Variants in CSDE1 observed in about 807,000 individuals in gnomAD.
CSDE1 encodes the protein cold shock domain-containing protein E1.
A neutral mutation model predicts 89.3 loss-of-function variants in CSDE1; 17 were observed. The observed-to-expected ratio is 0.19, with a 90% confidence interval of 0.13 to 0.29. The LOEUF is 0.29. CSDE1 is among the 10% of genes least tolerant of loss of function. The pLI, the probability that CSDE1 is intolerant of heterozygous loss-of-function variation, is 1.00. For missense variants in CSDE1, 672 were observed against 984.2 expected, an observed-to-expected ratio of 0.68 and a Z score of 4.24; for synonymous variants, 322 against 332.8, an observed-to-expected ratio of 0.97 and a Z score of 0.35.
intron 15 of CSDE1, 28 bp from the exon 16 acceptor site, chr1:114,724,030 C>A: frequency 6.2e-7 from 1 of 1,601,988 alleles, no homozygotes; most frequent in Non-Finnish European, 8.5e-7. Flanking sequence ...GTACATCTTT[C>A]AATTTTATTT....
At chr1:114,734,327 T>A in intron 7 of CSDE1, 115 bp downstream of exon 7, 3 of 1,095,940 alleles carry the variant, frequency 2.7e-6, no homozygotes. Flanking sequence ...AGGTTAACAG[T>A]GAAATATTTT....
intron 2 of CSDE1, among the ~76,000 whole-genome samples, chr1:114,747,631 G>A (rs1320796493): frequency 1.3e-5 from 2 of 152,108 alleles, no homozygotes; most frequent in Non-Finnish European, 2.9e-5. Flanking sequence ...AGGCCGAGGC[G>A]GGTGGATCAC....
At position 114,719,744 on chromosome 1, in the gene CSDE1, T is replaced by TG; in HGVS notation, c.2053-3dup. The TG allele has an allele frequency of 1.3e-6, 2 of 1,595,902 alleles. No individual in the cohort carries two copies. Among genetic ancestry groups the TG allele is most frequent in the Non-Finnish European group, 1.7e-6 (2 of 1,174,968 alleles). On this transcript the variant is annotated splice_region_variant and splice_polypyrimidine_tract_variant and intron_variant, in intron 17 of 19. Coordinates refer to ENST00000358528, the MANE Select transcript of CSDE1 (RefSeq NM_001007553.3). Reference sequence around the variant, plus strand: ...TACTTCATAGTTAATGAAGCCAAACTGAAAAAAAAAAGTAGGTAAAAAAGA... The same window carrying TG: ...TACTTCATAGTTAATGAAGCCAAACTGGAAAAAAAAAAGTAGGTAAAAAAGA...
At chr1:114,727,408 A>T (rs1659853997) in intron 12 of CSDE1, among the ~76,000 whole-genome samples, 1 of 152,184 alleles carries the variant, frequency 6.6e-6, no homozygotes, top group South Asian at 2.1e-4. Flanking sequence ...TGGGCATGTT[A>T]CTTCCAAGGA....
rs574691194 is a variant in CSDE1 at position 114,739,562 on chromosome 1, C to T, written c.199+130G>A. 42 of 706,052 alleles carry T rather than the reference C, an allele frequency of 5.9e-5. No homozygotes were observed. The Admixed American group carries it at 8.4e-4, about 14-fold the overall frequency. 43.7% of individuals were successfully genotyped at this position (706,052 alleles called of 1,614,324 possible). On this transcript the variant is annotated intron_variant, in intron 3 of 19. Coordinates refer to ENST00000358528, the MANE Select transcript of CSDE1 (RefSeq NM_001007553.3). ...TGCTGGTTTATACAGATATTCTTCACTAAACAGTACAACTAAAAGTCCAAA... is the reference window on the plus strand; with the variant it reads ...TGCTGGTTTATACAGATATTCTTCATTAAACAGTACAACTAAAAGTCCAAA...
In CSDE1 at chr1:114,723,948, C is replaced by T; in HGVS notation, c.1808G>A (p.Arg603His). 1 of 1,613,978 alleles carries T rather than the reference C, an allele frequency of 6.2e-7. No homozygotes were observed. Among genetic ancestry groups the T allele is most frequent in the Non-Finnish European group, 8.5e-7 (1 of 1,179,910 alleles). Residue 603 changes from arginine to histidine, a missense_variant, in exon 16 of 20, where the codon CGC becomes CAC. Coordinates refer to ENST00000358528, the MANE Select transcript of CSDE1 (RefSeq NM_001007553.3). The stretch of plus-strand genomic sequence containing the variant: ...TGTTGGATCAACACTCCTCAGGGGG[C>T]GAATTACTTTGCCAGAGTAAATGGT... Reference protein sequence around the residue: ...DPTIYSGKVIRPLRSVDPTQT... With the variant: ...DPTIYSGKVIHPLRSVDPTQT...
chr1:114,751,704 AAAC>A (rs1016635503), intron 1 of CSDE1, among the ~76,000 whole-genome samples: 7 of 151,862 alleles, frequency 4.6e-5, no homozygotes, highest in African/African-American at 1.7e-4. Flanking sequence ...AAAAAAAAAA[AAAC>A]AAAAACAAAC....
chr1:114,740,604 G>A (rs1227986298), intron 2 of CSDE1, among the ~76,000 whole-genome samples: 1 of 152,130 alleles, frequency 6.6e-6, no homozygotes. Flanking sequence ...TTTACATACT[G>A]ATGAAATCTG....
intron 15 of CSDE1, among the ~76,000 whole-genome samples, chr1:114,724,955 A>T (rs1659714585): frequency 6.6e-6 from 1 of 152,242 alleles, no homozygotes; most frequent in Admixed American, 6.5e-5. Flanking sequence ...TAAAATATCT[A>T]GGCCAATCCT....
chr1:114,741,550 T>C, intron 2 of CSDE1: 1 of 1,551,110 alleles, frequency 6.4e-7, no homozygotes, highest in Non-Finnish European at 8.7e-7. Context: ...GTTGGGGTCC[T>C]CTTTTGTTTT....
chr1:114,744,952 T>C (rs1660934938), intron 2 of CSDE1, among the ~76,000 whole-genome samples: 1 of 152,124 alleles, frequency 6.6e-6, no homozygotes, highest in Non-Finnish European at 1.5e-5. Flanking sequence ...TAAATCATTC[T>C]TGAATATCAA....
Position 114,718,647 on chromosome 1 carries a change from A to G in CSDE1, c.2315T>C (p.Val772Ala). 2 of 1,614,200 alleles carry G rather than the reference A, an allele frequency of 1.2e-6. No individual in the cohort carries two copies. Among genetic ancestry groups the G allele is most frequent in the Non-Finnish European group, 1.7e-6 (2 of 1,180,024 alleles). ...LDDASAPRLM[V>A]LRQPRGPDNS... ...ATCTGGTCCCCTTGGCTGACGAAGA[A>G]CCATTAGGCGAGGAGCACTGGCATC... Residue 772 changes from valine to alanine, a missense_variant, in exon 19 of 20, where the codon GTT (valine) becomes GCT (alanine). This residue lies in a region of CSDE1 where 206 missense variants were observed against 332.4 expected (regional missense o/e 0.62). Coordinates refer to ENST00000358528, the MANE Select transcript of CSDE1 (RefSeq NM_001007553.3).
At position 114,737,500 on chromosome 1, in the gene CSDE1, T is replaced by C; in HGVS notation, c.373A>G (p.Thr125Ala). 1 of 1,614,056 alleles carries C rather than the reference T, an allele frequency of 6.2e-7. No individual in the cohort carries two copies. Among genetic ancestry groups the C allele is most frequent in the South Asian group, 1.1e-5 (1 of 91,078 alleles). ...KSPAAPGQSP[T>A]GSVCYERNGE... ...TTACGTTCGTAGCATACACTCCCTG[T>C]TGGACTCTGACCCGGGGCAGCTGGA... The change falls in exon 5 of 20, where the codon ACA (threonine) becomes GCA (alanine). Residue 125 changes from threonine to alanine, a missense_variant. By Grantham distance (58) the Thr-to-Ala change is moderately conservative. Around this residue, in one of 8 missense-constraint regions of CSDE1, gnomAD observed 124 missense variants for 138.7 expected, o/e 0.89. Coordinates refer to ENST00000358528, the MANE Select transcript of CSDE1 (RefSeq NM_001007553.3).
At chr1:114,722,327 A>C (rs1228212796) in intron 16 of CSDE1, among the ~76,000 whole-genome samples, 3 of 152,200 alleles carry the variant, frequency 2.0e-5, no homozygotes, top group African/African-American at 7.2e-5. Flanking sequence ...GCACATACTG[A>C]TTCATACTTT....
Position 114,717,405 on chromosome 1 carries a change from TTG to T in CSDE1, c.*762_*763del, listed in dbSNP as rs1280191182. The T allele has an allele frequency of 6.8e-6, 1 of 146,522 alleles. No individual in the cohort carries two copies. The highest frequency in any genetic ancestry group is 1.9e-4 in the East Asian group (1 of 5,198). The allele number at this position is 146,522 out of a possible 1,614,324, so 9.1% of individuals were successfully genotyped here. On this transcript the variant is annotated 3_prime_UTR_variant, in exon 20 of 20. Transcript: ENST00000358528. ...CAGCAAGTTTGTGCATTCATTTTTT[TTG>T]TTTTTGTTTAAATATGTTTAAATTA...
chr1:114,724,825 C>T (rs1467312433), intron 15 of CSDE1, among the ~76,000 whole-genome samples: 4 of 152,084 alleles, frequency 2.6e-5, no homozygotes, highest in Non-Finnish European at 4.4e-5. Flanking sequence ...CCAGCACAAG[C>T]GGCCCTCCCA....
rs1410828303 is a variant in CSDE1, at chr1:114,723,920, C to T, written c.1836G>A (p.Gln612=). The change falls in exon 16 of 20, where the codon CAG becomes CAA. Residue 612 remains glutamine, a synonymous_variant. Coordinates refer to ENST00000358528, the MANE Select transcript of CSDE1 (RefSeq NM_001007553.3). The stretch of plus-strand genomic sequence containing the variant: ...TCTCAATCATTCCTTGGTACTCAGT[C>T]TGTGTTGGATCAACACTCCTCAGGG... ...IRPLRSVDPT[Q]TEYQGMIEIV... is the part of the protein sequence containing the mutation. 6.2e-7 allele frequency: 1 copy of T among 1,614,096 alleles called. No individual in the cohort carries two copies. Among genetic ancestry groups the T allele is most frequent in the Non-Finnish European group, 8.5e-7 (1 of 1,179,954 alleles).
chr1:114,736,888 G>T, intron 5 of CSDE1, 33 bp from the exon 6 acceptor site: 1 of 1,516,354 alleles, frequency 6.6e-7, no homozygotes, highest in African/African-American at 1.4e-5. Context: ...TACTATTTTG[G>T]CAGGATGCAT....
chr1:114,734,539 T>C lies in CSDE1; in HGVS notation c.501-16A>G, dbSNP rs762405578. On this transcript the variant is annotated splice_polypyrimidine_tract_variant and intron_variant, in intron 6 of 19. Coordinates refer to ENST00000358528, the MANE Select transcript of CSDE1 (RefSeq NM_001007553.3). ...AGCACCAGTACTAGAAAAAAAATAA[T>C]TGCAGGGAGGAGGAATGAAACAGGG... is the stretch of plus-strand genomic sequence containing the variant. The C allele has an allele frequency of 6.2e-7, 1 of 1,600,304 alleles. No homozygotes were observed. The highest frequency in any genetic ancestry group is 8.5e-7 in the Non-Finnish European group (1 of 1,172,426).
Sources: gnomAD v4.1 joint callset for allele counts (sites outside exome capture counted in the v4.1 genomes callset) on GRCh38, gnomAD v4.1.1 for gene constraint, gnomAD v4.1.1 regional missense constraint, MANE v1.5 for transcripts, NCBI Gene and HGNC (gene_info 2026-07-23, HGNC 2026-07-21) for gene names.